RAB8B: variants seen among roughly 807,000 people sequenced by gnomAD.
RAB8B encodes ras-related protein Rab-8B.
A neutral mutation model predicts 32.0 loss-of-function variants in RAB8B; 11 were observed. The observed-to-expected ratio is 0.34, with a 90% CI of 0.22 to 0.57. The LOEUF is 0.57. Ranked by LOEUF, RAB8B falls within the 20% of genes least tolerant of loss-of-function variation. The pLI is 0.86. For synonymous variants in RAB8B, 103 were observed against 89.6 expected (o/e 1.15, Z -0.85); for missense variants, 190 against 258.5 (o/e 0.73, Z 1.82).
At chr15:63,196,053 C>T (rs1176789713) in intron 1 of RAB8B, among the ~76,000 whole-genome samples, 1 of 152,156 alleles carries the variant, frequency 6.6e-6, no homozygotes, top group East Asian at 1.9e-4. Context: ...TAGGGCGTGG[C>T]TGCTTTTTAT....
At chr15:63,189,794 C>T (rs1156561295) in intron 1 of RAB8B, 46 bp downstream of exon 1, 2 of 788,398 alleles carry the variant, frequency 2.5e-6, no homozygotes, top group Non-Finnish European at 1.6e-6. Context: ...AATTGGGGGG[C>T]GGGTACTAGG....
chr15:63,254,688 G>A (rs989932698), intron 3 of RAB8B, among the ~76,000 whole-genome samples: 1 of 152,098 alleles, frequency 6.6e-6, no homozygotes, highest in South Asian at 2.1e-4. Flanking sequence ...CAAGTCGGGC[G>A]GATCACGAGG....
intron 1 of RAB8B, among the ~76,000 whole-genome samples, chr15:63,219,694 A>G (rs2037827302): frequency 6.6e-6 from 1 of 152,238 alleles, no homozygotes; most frequent in Admixed American, 6.5e-5. Context: ...TTGCCACTGA[A>G]GACTTGTCTC....
rs117697045 is a variant in RAB8B, at chr15:63,241,080, C to T, written c.125-3676C>T. Among the ~76,000 whole-genome samples, 1,034 of 152,330 alleles carry T rather than the reference C, an allele frequency of 6.8e-3. 4 individuals carry two copies. The highest frequency in any genetic ancestry group is 0.01 in the Non-Finnish European group (692 of 68,026). On this transcript the variant is annotated intron_variant, in intron 1 of 7. Transcript: ENST00000321437. ...AATGAAGGTTGGGCAGGCTAGCTCA[C>T]ACCTGTAATCCCAGCACTTTGAGAG...
intron 1 of RAB8B, among the ~76,000 whole-genome samples, chr15:63,198,490 G>A (rs566559430): frequency 6.6e-6 from 1 of 152,070 alleles, no homozygotes; most frequent in Admixed American, 6.5e-5. Context: ...TCTCATGACA[G>A]CATTGCAGGA....
At chr15:63,263,156 G>T (rs898454394) in intron 7 of RAB8B, among the ~76,000 whole-genome samples, 1 of 152,034 alleles carries the variant, frequency 6.6e-6, no homozygotes, top group Non-Finnish European at 1.5e-5. Flanking sequence ...CTATAATTGC[G>T]TACCTTATGC....
At chr15:63,231,661 C>T (rs1208285033) in intron 1 of RAB8B, among the ~76,000 whole-genome samples, 2 of 152,140 alleles carry the variant, frequency 1.3e-5, no homozygotes, top group East Asian at 3.8e-4. Context: ...CAAAGGTACA[C>T]TTTATCAGAA....
chr15:63,213,967 G>C (rs1208165540), intron 1 of RAB8B, among the ~76,000 whole-genome samples: 1 of 152,022 alleles, frequency 6.6e-6, no homozygotes, highest in African/African-American at 2.4e-5. Flanking sequence ...TGTAATCCCA[G>C]CTACTCGGGA....
chr15:63,200,064 C>A (rs1034680078), intron 1 of RAB8B, among the ~76,000 whole-genome samples: 2 of 152,170 alleles, frequency 1.3e-5, no homozygotes, highest in Admixed American at 1.3e-4. Context: ...AAACATCAGA[C>A]TAGACTTTTC....
At position 63,226,859 on chromosome 15, in the gene RAB8B, A is replaced by G. The variant is rs1437065869; in HGVS notation, c.125-17897A>G. ...CCATAGACAGAGCTGCCCCAAGGGC[A>G]GCTGGTTGCCCATTTTTATGGTTTT... On this transcript the variant is annotated intron_variant, in intron 1 of 7. Coordinates refer to ENST00000321437, the MANE Select transcript of RAB8B (RefSeq NM_016530.3). Among the ~76,000 whole-genome samples the G allele has an allele frequency of 3.3e-5, 5 of 152,342 alleles. No homozygotes were observed. In the East Asian group the frequency reaches 5.8e-4, roughly 18 times the overall value.
intron 1 of RAB8B, among the ~76,000 whole-genome samples, chr15:63,199,902 C>T (rs1006965380): frequency 6.6e-6 from 1 of 152,110 alleles, no homozygotes; most frequent in Non-Finnish European, 1.5e-5. Context: ...TTGATAAGCA[C>T]TATTACATTT....
chr15:63,222,312 TC>T (rs1325667638), intron 1 of RAB8B, among the ~76,000 whole-genome samples: 1 of 152,188 alleles, frequency 6.6e-6, no homozygotes, highest in African/African-American at 2.4e-5. Flanking sequence ...TGTCATCTCT[TC>T]CTTTTGTCTC....
At chr15:63,220,610 CT>C (rs1567013016) in intron 1 of RAB8B, among the ~76,000 whole-genome samples, 1 of 152,060 alleles carries the variant, frequency 6.6e-6, no homozygotes, top group Non-Finnish European at 1.5e-5. Context: ...TTGTGTTTCA[CT>C]TTTTTGTTTT....
intron 1 of RAB8B, among the ~76,000 whole-genome samples, chr15:63,241,145 C>G (rs1191492877): frequency 3.9e-5 from 6 of 152,136 alleles, no homozygotes; most frequent in Non-Finnish European, 8.8e-5. Context: ...GAATTTGAGA[C>G]CAGCCTGGTC....
chr15:63,246,787 C>G (rs557148455), intron 2 of RAB8B, among the ~76,000 whole-genome samples: 1 of 152,182 alleles, frequency 6.6e-6, no homozygotes, highest in Non-Finnish European at 1.5e-5. Flanking sequence ...AGTTCCAGCC[C>G]GCTTATCACT....
chr15:63,258,399 G>A (rs937958011), intron 5 of RAB8B, among the ~76,000 whole-genome samples: 2 of 152,088 alleles, frequency 1.3e-5, no homozygotes, highest in African/African-American at 4.8e-5. Context: ...CACCACACCC[G>A]GCCTAAAAGT....
intron 1 of RAB8B, among the ~76,000 whole-genome samples, chr15:63,237,220 T>C (rs1282879131): frequency 6.6e-6 from 1 of 152,210 alleles, no homozygotes; most frequent in East Asian, 1.9e-4. Context: ...GGAGTGCAGT[T>C]ATTTCTTTGA....
At chr15:63,220,230 G>A (rs1312557167) in intron 1 of RAB8B, among the ~76,000 whole-genome samples, 1 of 152,198 alleles carries the variant, frequency 6.6e-6, no homozygotes, top group Non-Finnish European at 1.5e-5. Flanking sequence ...AATGGTAGCA[G>A]AACCTTTCGT....
At chr15:63,196,796 A>G (rs1321810822) in intron 1 of RAB8B, among the ~76,000 whole-genome samples, 2 of 152,236 alleles carry the variant, frequency 1.3e-5, no homozygotes, top group Non-Finnish European at 2.9e-5. Flanking sequence ...AATGCTACAT[A>G]TCTTTCTATA....
Sources: allele counts gnomAD v4.1 joint callset (sites outside exome capture counted in the v4.1 genomes callset), GRCh38; gene constraint gnomAD v4.1.1; transcripts MANE v1.5; gene names NCBI Gene and HGNC (gene_info 2026-07-23, HGNC 2026-07-21).